The following PRKG2 variants were observed in gnomAD, a reference collection of about 807,000 sequenced individuals.
PRKG2 encodes cGMP-dependent protein kinase 2.
In PRKG2, 33 loss-of-function variants were observed where a neutral mutation model predicts 97.2. That is an observed-to-expected ratio of 0.34 (90% CI 0.26 to 0.45). The LOEUF (loss-of-function observed/expected upper bound fraction) is 0.45. Ranked by LOEUF, PRKG2 falls within the 20% of genes least tolerant of loss-of-function variation. The pLI is 1.00. For missense variants in PRKG2, 638 were observed against 900.0 expected (o/e 0.71, Z 3.73); for synonymous variants, 330 against 321.8 (o/e 1.03, Z -0.27).
At chr4:81,170,562 C>G (rs1450942712) in intron 4 of PRKG2, among the ~76,000 whole-genome samples, 1 of 152,080 alleles carries the variant, frequency 6.6e-6, no homozygotes, top group East Asian at 1.9e-4. Flanking sequence ...GCCAGAGACT[C>G]TGATTCAGGT....
intron 17 of PRKG2, among the ~76,000 whole-genome samples, chr4:81,093,911 T>C (rs1209539965): frequency 3.3e-5 from 5 of 152,152 alleles, no homozygotes; most frequent in African/African-American, 1.2e-4. Context: ...GCCACTGATC[T>C]TTTCTACTGG....
intron 6 of PRKG2, chr4:81,154,074 G>A (rs866735659): frequency 2.5e-4 from 45 of 180,328 alleles, no homozygotes; most frequent in Non-Finnish European, 4.9e-4. Context: ...TTAAAAAAAC[G>A]GCGCACCACG....
Position 81,158,424 on chromosome 4 carries a change from C to A in PRKG2, c.913-4703G>T, listed in dbSNP as rs1340611618. Reference sequence around the variant, plus strand: ...AACTACAAACCTTCAAGGAGAACTACAAACCACTGCTCAAGGAAATAAAAG... The same window carrying A: ...AACTACAAACCTTCAAGGAGAACTAAAAACCACTGCTCAAGGAAATAAAAG... On this transcript the variant is annotated intron_variant, in intron 6 of 18. Transcript: ENST00000264399. Among the ~76,000 whole-genome samples, 2 of 148,036 alleles carry A rather than the reference C, an allele frequency of 1.4e-5. 1 individual carries two copies. Among genetic ancestry groups the A allele is most frequent in the African/African-American group, 5.3e-5 (2 of 37,444 alleles).
chr4:81,139,341 A>G (rs1016490300), intron 12 of PRKG2, among the ~76,000 whole-genome samples: 5 of 152,134 alleles, frequency 3.3e-5, no homozygotes, highest in Admixed American at 6.6e-5. Flanking sequence ...CTAGTCCCCA[A>G]TTCTGCATTA....
At chr4:81,106,599 C>G (rs1415621838) in intron 15 of PRKG2, among the ~76,000 whole-genome samples, 2 of 152,108 alleles carry the variant, frequency 1.3e-5, no homozygotes, top group East Asian at 3.9e-4. Flanking sequence ...GGCAAGGAGC[C>G]CCAGTAACCT....
chr4:81,196,308 G>A (rs908396615), intron 2 of PRKG2, among the ~76,000 whole-genome samples: 1 of 152,222 alleles, frequency 6.6e-6, no homozygotes, highest in Non-Finnish European at 1.5e-5. Context: ...GCTGACGTCA[G>A]AGAAGATGAC....
intron 2 of PRKG2, among the ~76,000 whole-genome samples, chr4:81,187,548 A>T (rs1049522156): frequency 7.9e-5 from 12 of 152,170 alleles, no homozygotes; most frequent in Non-Finnish European, 1.5e-4. Context: ...TCCCTTTAAA[A>T]TCTGGTACAA....
chr4:81,130,022 T>A (rs1014816946), intron 14 of PRKG2, among the ~76,000 whole-genome samples: 1 of 152,170 alleles, frequency 6.6e-6, no homozygotes, highest in African/African-American at 2.4e-5. Context: ...TGTAAGGCAG[T>A]CCTCGTAGTG....
intron 2 of PRKG2, chr4:81,192,958 CT>C (rs1432806112): frequency 1.6e-4 from 24 of 152,200 alleles, no homozygotes; most frequent in African/African-American, 5.5e-4. Flanking sequence ...CAAAGTTCAC[CT>C]ACAGTTGTAT....
chr4:81,201,134 A>G (rs1753285025), intron 2 of PRKG2, among the ~76,000 whole-genome samples: 1 of 152,240 alleles, frequency 6.6e-6, no homozygotes, highest in Admixed American at 6.5e-5. Context: ...AGTTACAGTC[A>G]AAACCATTAG....
chr4:81,092,272 T>TAA, intron 18 of PRKG2, 114 bp downstream of exon 18: 3 of 557,580 alleles, frequency 5.4e-6, no homozygotes, highest in South Asian at 4.0e-5. Flanking sequence ...AAAACTGCTT[T>TAA]AAAAAAAAAC....
chr4:81,194,998 G>C (rs1241774634), intron 2 of PRKG2, among the ~76,000 whole-genome samples: 4 of 152,034 alleles, frequency 2.6e-5, no homozygotes, highest in African/African-American at 9.7e-5. Context: ...GAATACCTGG[G>C]GGTTAGACCC....
intron 14 of PRKG2, among the ~76,000 whole-genome samples, chr4:81,130,182 G>T (rs747331712): frequency 1.3e-5 from 2 of 152,106 alleles, no homozygotes; most frequent in African/African-American, 2.4e-5. Flanking sequence ...TGGGGTTTTT[G>T]GGTGGAAGTC....
intron 11 of PRKG2, 130 bp from the exon 12 acceptor site, chr4:81,140,799 T>G: frequency 1.4e-6 from 1 of 695,756 alleles, no homozygotes; most frequent in Non-Finnish European, 2.3e-6. Flanking sequence ...CTTTGAGAAC[T>G]TTCATTCAAG....
intron 2 of PRKG2, among the ~76,000 whole-genome samples, chr4:81,186,130 T>C (rs1751861577): frequency 6.6e-6 from 1 of 151,850 alleles, no homozygotes; most frequent in Admixed American, 6.6e-5. Flanking sequence ...ACCTAACAGA[T>C]CCCTACAGAA....
chr4:81,124,370 T>C (rs1366686525), intron 14 of PRKG2, among the ~76,000 whole-genome samples: 3 of 152,244 alleles, frequency 2.0e-5, no homozygotes, highest in Admixed American at 1.3e-4. Context: ...CTTTCACTAC[T>C]ACAATAGCAA....
At chr4:81,097,617 T>A (rs1200104827) in intron 17 of PRKG2, among the ~76,000 whole-genome samples, 1 of 152,214 alleles carries the variant, frequency 6.6e-6, no homozygotes, top group Non-Finnish European at 1.5e-5. Context: ...GGCAATTTAT[T>A]CTTCACTGAA....
intron 11 of PRKG2, among the ~76,000 whole-genome samples, chr4:81,141,163 A>C (rs1449529739): frequency 6.6e-6 from 1 of 152,028 alleles, no homozygotes. Context: ...GGTATAAACC[A>C]CCACACCCAG....
At chr4:81,187,797 C>T (rs1752016970) in intron 2 of PRKG2, among the ~76,000 whole-genome samples, 1 of 152,108 alleles carries the variant, frequency 6.6e-6, no homozygotes, top group African/African-American at 2.4e-5. Flanking sequence ...GTGCAAAAAT[C>T]ACAAGCATTC....
Sources: gnomAD v4.1 joint callset for allele counts (sites outside exome capture counted in the v4.1 genomes callset) on GRCh38, gnomAD v4.1.1 for gene constraint, MANE v1.5 for transcripts, NCBI Gene and HGNC (gene_info 2026-07-23, HGNC 2026-07-21) for gene names.